YEATS2: variants seen among roughly 807,000 people sequenced by gnomAD.
The protein encoded by YEATS2 is YEATS domain-containing protein 2.
YEATS2 carries 77 observed loss-of-function variants against 163.2 expected under a neutral mutation model. The ratio of observed to expected loss-of-function variants is 0.47; its 90% CI spans 0.39 to 0.57. The LOEUF (loss-of-function observed/expected upper bound fraction) is 0.57, where lower values mean the gene tolerates loss of function less well. Among genes scored for constraint, YEATS2 ranks in the 20% least tolerant of loss-of-function variants. YEATS2 has a pLI of 0.00. For missense variants in YEATS2, 1,549 were observed against 1,729.8 expected, an observed-to-expected ratio of 0.90 and a Z score of 1.85; for synonymous variants, 631 against 645.1, an observed-to-expected ratio of 0.98 and a Z score of 0.33.
At chr3:183,752,390 G>T in intron 10 of YEATS2, 137 bp downstream of exon 10, 1 of 1,103,646 alleles carries the variant, frequency 9.1e-7, no homozygotes, top group Non-Finnish European at 1.3e-6. Flanking sequence ...GTTCTGTTAT[G>T]AAAGCCAAAT....
chr3:183,750,614 A>C (rs1053193653), intron 9 of YEATS2, among the ~76,000 whole-genome samples: 3 of 152,238 alleles, frequency 2.0e-5, no homozygotes. Context: ...TTTAATTTAT[A>C]GTAGTTATTC....
At chr3:183,804,858 G>A (rs1020830071) in intron 27 of YEATS2, among the ~76,000 whole-genome samples, 4 of 151,920 alleles carry the variant, frequency 2.6e-5, no homozygotes, top group East Asian at 3.9e-4. Context: ...CGTGGTGGCC[G>A]CACGCCTGTG....
chr3:183,758,530 A>G (rs1721003377), intron 12 of YEATS2, among the ~76,000 whole-genome samples: 1 of 152,136 alleles, frequency 6.6e-6, no homozygotes, highest in Admixed American at 6.5e-5. Context: ...AGAATACGTT[A>G]TAGTGTCTTT....
intron 18 of YEATS2, among the ~76,000 whole-genome samples, chr3:183,777,216 A>G (rs1267560031): frequency 6.6e-6 from 1 of 152,212 alleles, no homozygotes; most frequent in Non-Finnish European, 1.5e-5. Flanking sequence ...GGAAAGTAAT[A>G]GAATTTTGGT....
intron 21 of YEATS2, among the ~76,000 whole-genome samples, chr3:183,795,455 A>AT (rs573338439): frequency 0.023 from 1,855 of 79,802 alleles, 115 homozygotes; most frequent in African/African-American, 0.054. Context: ...CACGGGACTA[A>AT]TTTTTTTTTT....
At position 183,715,356 on chromosome 3, in the gene YEATS2, A is replaced by G. The variant is rs1047203631; in HGVS notation, c.100+94A>G. ...TAGAATGAAATGAATTTCCACTGTT[A>G]TGTATAATTTGAAGGGGTTCGTGAG... On this transcript the variant is annotated intron_variant, in intron 2 of 30. Coordinates refer to ENST00000305135, the MANE Select transcript of YEATS2 (RefSeq NM_018023.5). 13 of 936,454 alleles carry G rather than the reference A, an allele frequency of 1.4e-5. No individual in the cohort carries two copies. The East Asian group carries it at 3.1e-4, about 22-fold the overall frequency. The allele number at this position is 936,454 out of a possible 1,614,324, so 58.0% of individuals were successfully genotyped here.
rs552773794 is a variant in YEATS2 at position 183,726,138 on chromosome 3, G to A, written c.650+1607G>A. On this transcript the variant is annotated intron_variant, in intron 6 of 30. Coordinates refer to ENST00000305135, the MANE Select transcript of YEATS2 (RefSeq NM_018023.5). ...AGTGAACCAAGGTCCAGAGATTGGA[G>A]TCTCTGCGTTAGTGTGTCTGTCAGT... 3.9e-5 allele frequency among the ~76,000 whole-genome samples: 6 copies of A among 151,938 alleles called. No individual in the cohort carries two copies. The South Asian group carries it at 1.2e-3, about 31-fold the overall frequency.
intron 5 of YEATS2, 142 bp downstream of exon 5, chr3:183,722,278 CTTT>C (rs200048624): frequency 2.7e-3 from 834 of 309,958 alleles, no homozygotes; most frequent in African/African-American, 4.5e-3. Context: ...GAAACCAAAT[CTTT>C]TTTTTTTTTT....
At position 183,812,446 on chromosome 3, in the gene YEATS2, C is replaced by G. The variant is rs1422205847; in HGVS notation, c.*1863C>G. The G allele has an allele frequency of 6.6e-6, 1 of 152,576 alleles. No homozygotes were observed. Among genetic ancestry groups the G allele is most frequent in the Admixed American group, 6.5e-5 (1 of 15,274 alleles). The allele number at this position is 152,576 out of a possible 1,614,324, so 9.5% of individuals were successfully genotyped here. ...ATCTCCAGGACAGAGGGAGAAAGAT[C>G]TGATCCAAATGAGAACAGATTGGTT... On this transcript the variant is annotated 3_prime_UTR_variant, in exon 31 of 31. Coordinates refer to ENST00000305135, the MANE Select transcript of YEATS2 (RefSeq NM_018023.5).
chr3:183,730,580 C>G (rs910837603), intron 7 of YEATS2, among the ~76,000 whole-genome samples: 2 of 152,136 alleles, frequency 1.3e-5, no homozygotes, highest in Non-Finnish European at 2.9e-5. Flanking sequence ...GGGTGGATGT[C>G]TTCCTTGATC....
intron 1 of YEATS2, among the ~76,000 whole-genome samples, chr3:183,707,907 C>G (rs558234364): frequency 1.3e-5 from 2 of 151,860 alleles, no homozygotes; most frequent in Non-Finnish European, 2.9e-5. Context: ...AACTCCTGAC[C>G]TCGTGATCCA....
intron 1 of YEATS2, among the ~76,000 whole-genome samples, chr3:183,702,109 CT>C (rs970900499): frequency 2.6e-5 from 4 of 152,134 alleles, no homozygotes; most frequent in Non-Finnish European, 4.4e-5. Context: ...CCTTCGAAAG[CT>C]TTTTTTCCCC....
chr3:183,714,525 T>A lies in YEATS2; in HGVS notation c.-19-619T>A, dbSNP rs1715626769. 1.3e-5 allele frequency among the ~76,000 whole-genome samples: 2 copies of A among 152,094 alleles called. 1 individual carries two copies. The highest frequency in any genetic ancestry group is 4.1e-4 in the South Asian group (2 of 4,826). On this transcript the variant is annotated intron_variant, in intron 1 of 30. Coordinates refer to ENST00000305135, the MANE Select transcript of YEATS2 (RefSeq NM_018023.5). ...TTTTTTTTTTAATGGGATTGTTTTA[T>A]TCAAAGACTTGTGTATGTGGGGCTT...
At chr3:183,703,903 G>A (rs1002616085) in intron 1 of YEATS2, among the ~76,000 whole-genome samples, 2 of 152,040 alleles carry the variant, frequency 1.3e-5, no homozygotes, top group Non-Finnish European at 2.9e-5. Context: ...GCTCACGCTT[G>A]TAATCCCAGC....
chr3:183,756,440 G>A, intron 11 of YEATS2, 88 bp from the exon 12 acceptor site: 2 of 1,276,100 alleles, frequency 1.6e-6, no homozygotes. Context: ...TGTCCTGGTG[G>A]CACTGACCTT....
rs186499907 is a variant in YEATS2 at position 183,713,274 on chromosome 3, C to T, written c.-19-1870C>T. 7.5e-3 allele frequency among the ~76,000 whole-genome samples: 1,137 copies of T among 152,070 alleles called. 7 individuals carry two copies. Among genetic ancestry groups the T allele is most frequent in the Non-Finnish European group, 0.014 (944 of 67,958 alleles). Reference sequence around the variant, plus strand: ...ACCCATTTCACTTCCCTTTTTCAAACGTGGCTGTGGCTGGGCACGGTGGCT... The same window carrying T: ...ACCCATTTCACTTCCCTTTTTCAAATGTGGCTGTGGCTGGGCACGGTGGCT... On this transcript the variant is annotated intron_variant, in intron 1 of 30. Coordinates refer to ENST00000305135, the MANE Select transcript of YEATS2 (RefSeq NM_018023.5).
At chr3:183,802,519 A>ATATATGTATACACGTG (rs1553884469) in intron 25 of YEATS2, 1 of 62,296 alleles carries the variant, frequency 1.6e-5, no homozygotes, top group African/African-American at 4.5e-5. Flanking sequence ...GTATACATGT[A>ATATATGTATACACGTG]TATATATATA....
In YEATS2 at chr3:183,806,951, TGAG is replaced by T. The variant is rs1326482560; in HGVS notation, c.3878_3880del (p.Glu1293del). ...AGTTCCAGAAAAGGGAACCCGAGAA[TGAG>T]GAGGAGGTGGACATCCTCAGCCTCT... On this transcript the variant is annotated inframe_deletion, in exon 28 of 31. Coordinates refer to ENST00000305135, the MANE Select transcript of YEATS2 (RefSeq NM_018023.5). 6.8e-6 allele frequency: 11 copies of T among 1,613,826 alleles called. No individual in the cohort carries two copies. Among genetic ancestry groups the T allele is most frequent in the South Asian group, 5.5e-5 (5 of 91,058 alleles).
intron 15 of YEATS2, 22 bp from the exon 16 acceptor site, chr3:183,772,283 G>C (rs577247924): frequency 1.2e-6 from 2 of 1,612,236 alleles, no homozygotes; most frequent in Admixed American, 3.3e-5. Flanking sequence ...AGCACCGTTG[G>C]ACTCTGCTCT....
Sources: allele counts gnomAD v4.1 joint callset (sites outside exome capture counted in the v4.1 genomes callset), GRCh38; gene constraint gnomAD v4.1.1; transcripts MANE v1.5; gene names NCBI Gene and HGNC (gene_info 2026-07-23, HGNC 2026-07-21).